Variants in GPC5 observed in about 807,000 individuals in gnomAD.
The protein encoded by GPC5 is glypican-5.
In GPC5, 47 loss-of-function variants were observed where a neutral mutation model predicts 53.9. The observed-to-expected ratio is 0.87, with a 90% CI of 0.69 to 1.11. GPC5 has a LOEUF of 1.11. Among genes scored for constraint, GPC5 ranks in the 50% most tolerant of loss-of-function variants. The pLI, the probability that GPC5 is intolerant of heterozygous loss-of-function variation, is 0.00. For missense variants in GPC5, 748 were observed against 713.1 expected, an observed-to-expected ratio of 1.05 and a Z score of -0.56; for synonymous variants, 286 against 263.3, an observed-to-expected ratio of 1.09 and a Z score of -0.84.
chr13:91,903,766 TTTTATC>T (rs2039523086), intron 5 of GPC5, among the ~76,000 whole-genome samples: 1 of 152,122 alleles, frequency 6.6e-6, no homozygotes, highest in African/African-American at 2.4e-5. Context: ...TTATAATACA[TTTTATC>T]TAAATATTAT....
At chr13:92,568,721 C>T (rs530961863) in intron 7 of GPC5, among the ~76,000 whole-genome samples, 8 of 152,160 alleles carry the variant, frequency 5.3e-5, no homozygotes, top group South Asian at 2.1e-4. Context: ...CACATTAGTT[C>T]GTTTAGTCCT....
At chr13:92,538,534 A>T (rs985451758) in intron 7 of GPC5, among the ~76,000 whole-genome samples, 2 of 146,056 alleles carry the variant, frequency 1.4e-5, no homozygotes, top group Non-Finnish European at 3.0e-5. Flanking sequence ...ACATAGGTAT[A>T]CATGTGCCAT....
chr13:92,575,319 A>T (rs1883156306), intron 7 of GPC5, among the ~76,000 whole-genome samples: 1 of 152,192 alleles, frequency 6.6e-6, no homozygotes, highest in African/African-American at 2.4e-5. Flanking sequence ...TGTTATTTTT[A>T]TAATTAAAAG....
At chr13:91,615,978 C>T (rs2033684770) in intron 2 of GPC5, among the ~76,000 whole-genome samples, 1 of 151,946 alleles carries the variant, frequency 6.6e-6, no homozygotes, top group African/African-American at 2.4e-5. Context: ...AGATTTGAAA[C>T]TTACAGAAAC....
chr13:92,250,087 G>A (rs185515605), intron 7 of GPC5, among the ~76,000 whole-genome samples: 1 of 151,864 alleles, frequency 6.6e-6, no homozygotes, highest in Non-Finnish European at 1.5e-5. Context: ...CTCACAACTA[G>A]TAATCAGATT....
intron 5 of GPC5, among the ~76,000 whole-genome samples, chr13:91,864,749 A>G (rs1447002228): frequency 6.6e-6 from 1 of 152,236 alleles, no homozygotes; most frequent in African/African-American, 2.4e-5. Flanking sequence ...TAGAATATCC[A>G]AAGTTTTCAA....
chr13:91,763,466 A>G (rs1162244850), intron 5 of GPC5, among the ~76,000 whole-genome samples: 1 of 152,190 alleles, frequency 6.6e-6, no homozygotes, highest in East Asian at 1.9e-4. Flanking sequence ...ACCTGCCCAA[A>G]GTCAAAAGTC....
At chr13:92,167,688 A>G (rs2042041524) in intron 7 of GPC5, among the ~76,000 whole-genome samples, 1 of 152,198 alleles carries the variant, frequency 6.6e-6, no homozygotes, top group African/African-American at 2.4e-5. Flanking sequence ...TTAAAGACTA[A>G]GCTAGACTCC....
intron 7 of GPC5, among the ~76,000 whole-genome samples, chr13:92,354,283 T>C (rs939226442): frequency 2.6e-5 from 4 of 152,196 alleles, no homozygotes; most frequent in Admixed American, 1.3e-4. Flanking sequence ...TCTTTATAAT[T>C]GCTACTTCCT....
intron 7 of GPC5, among the ~76,000 whole-genome samples, chr13:92,159,689 G>A (rs1452252736): frequency 1.5e-5 from 2 of 129,606 alleles, no homozygotes; most frequent in East Asian, 5.3e-4. Flanking sequence ...TGCAAGCTCC[G>A]CCTCCCGGGT....
At position 92,402,965 on chromosome 13, in the gene GPC5, C is replaced by T. The variant is rs192181927; in HGVS notation, c.1561+257976C>T. Among the ~76,000 whole-genome samples the T allele has an allele frequency of 1.3e-4, 20 of 152,294 alleles. No homozygotes were observed. The East Asian group carries it at 3.5e-3, about 27-fold the overall frequency. ...TTGTTTTTCTCTAAAGAAGAATTGACTCATGCCTCCTCAAATCTTTCGAAC... is the reference window on the plus strand; with the variant it reads ...TTGTTTTTCTCTAAAGAAGAATTGATTCATGCCTCCTCAAATCTTTCGAAC... On this transcript the variant is annotated intron_variant, in intron 7 of 7. Coordinates refer to ENST00000377067, the MANE Select transcript of GPC5 (RefSeq NM_004466.6).
chr13:91,785,558 T>TC, intron 5 of GPC5, among the ~76,000 whole-genome samples: 1 of 152,346 alleles, frequency 6.6e-6, no homozygotes, highest in East Asian at 1.9e-4. Flanking sequence ...GGCTTGTATA[T>TC]CCAACTGCTT....
intron 7 of GPC5, among the ~76,000 whole-genome samples, chr13:92,527,153 AAAGAAAGAAAGAAAGAAAGAGAAAGAAAG>A (rs1481220633): frequency 5.4e-4 from 68 of 125,874 alleles, no homozygotes; most frequent in South Asian, 1.0e-3. Context: ...AGAAAGAAAG[AAAGAAAGAAAGAAAGAAAGAGAAAGAAAG>A]AAGAAAGAAA....
At chr13:91,731,997 T>C (rs1276381342) in intron 4 of GPC5, among the ~76,000 whole-genome samples, 2 of 152,220 alleles carry the variant, frequency 1.3e-5, no homozygotes, top group Non-Finnish European at 2.9e-5. Flanking sequence ...TAAACATACA[T>C]GTGCATGTGT....
intron 7 of GPC5, among the ~76,000 whole-genome samples, chr13:92,548,528 T>C (rs980449413): frequency 6.6e-6 from 1 of 151,968 alleles, no homozygotes; most frequent in Non-Finnish European, 1.5e-5. Flanking sequence ...TTCTGGTGTT[T>C]GTCAAATTTC....
intron 5 of GPC5, among the ~76,000 whole-genome samples, chr13:91,776,861 A>T (rs1305653348): frequency 6.6e-6 from 1 of 152,214 alleles, no homozygotes; most frequent in Non-Finnish European, 1.5e-5. Context: ...TTTACTGTTC[A>T]AATTTCAATC....
chr13:92,634,888 T>C (rs905674038), intron 7 of GPC5, among the ~76,000 whole-genome samples: 19 of 152,014 alleles, frequency 1.2e-4, no homozygotes, highest in African/African-American at 3.9e-4. Flanking sequence ...TATAATGCTT[T>C]CTTAATTCAG....
intron 6 of GPC5, among the ~76,000 whole-genome samples, chr13:91,948,568 G>C (rs1184780999): frequency 6.6e-6 from 1 of 152,062 alleles, no homozygotes; most frequent in Non-Finnish European, 1.5e-5. Context: ...AATCAACTAA[G>C]TTATTTGTTA....
chr13:92,817,741 C>T (rs1224259599), intron 7 of GPC5, among the ~76,000 whole-genome samples: 1 of 151,934 alleles, frequency 6.6e-6, no homozygotes, highest in Non-Finnish European at 1.5e-5. Flanking sequence ...GTCTGAGAAA[C>T]AGGGCTAAAA....
Sources: gnomAD v4.1 joint callset for allele counts (sites outside exome capture counted in the v4.1 genomes callset) on GRCh38, gnomAD v4.1.1 for gene constraint, MANE v1.5 for transcripts, NCBI Gene and HGNC (gene_info 2026-07-23, HGNC 2026-07-21) for gene names.